Variants in SNTB1 observed in about 807,000 individuals in gnomAD.
The protein encoded by SNTB1 is beta-1-syntrophin.
SNTB1 carries 36 observed loss-of-function variants against 48.9 expected under a neutral mutation model. The ratio of observed to expected loss-of-function variants is 0.74; its 90% CI spans 0.56 to 0.97. The LOEUF (loss-of-function observed/expected upper bound fraction) is 0.97. SNTB1 is among the 50% of genes least tolerant of loss of function. SNTB1 has a pLI of 0.00. For synonymous variants in SNTB1, 299 were observed against 294.6 expected, an observed-to-expected ratio of 1.01 and a Z score of -0.15; for missense variants, 786 against 703.4, an observed-to-expected ratio of 1.12 and a Z score of -1.33.
intron 2 of SNTB1, among the ~76,000 whole-genome samples, chr8:120,682,079 T>A (rs11993445): frequency 1.3e-5 from 2 of 150,808 alleles, no homozygotes; most frequent in Admixed American, 1.3e-4. Flanking sequence ...AATATATTCA[T>A]GAGAAGGATT....
intron 3 of SNTB1, among the ~76,000 whole-genome samples, chr8:120,601,110 AG>A (rs1816414556): frequency 6.6e-6 from 1 of 152,146 alleles, no homozygotes; most frequent in Non-Finnish European, 1.5e-5. Flanking sequence ...GCTGTCTGCT[AG>A]CGCTGCTGGG....
intron 3 of SNTB1, among the ~76,000 whole-genome samples, chr8:120,590,921 G>A (rs1587012731): frequency 2.0e-5 from 3 of 151,930 alleles, no homozygotes; most frequent in Admixed American, 6.6e-5. Context: ...TCCTGACCTC[G>A]TGATCCGCCG....
intron 1 of SNTB1, among the ~76,000 whole-genome samples, chr8:120,751,131 G>T (rs912318597): frequency 6.6e-6 from 1 of 152,160 alleles, no homozygotes; most frequent in East Asian, 1.9e-4. Flanking sequence ...ATGGAGGAGA[G>T]ATGATGAAGT....
intron 1 of SNTB1, among the ~76,000 whole-genome samples, chr8:120,801,455 C>T (rs905650284): frequency 4.6e-5 from 7 of 151,858 alleles, no homozygotes; most frequent in African/African-American, 1.7e-4. Context: ...TAATTTATTA[C>T]TCTACACCTG....
Position 120,781,620 on chromosome 8 carries a change from A to G in SNTB1, c.571+29653T>C, listed in dbSNP as rs182624716. 1.2e-3 allele frequency among the ~76,000 whole-genome samples: 186 copies of G among 152,346 alleles called. 1 individual carries two copies. The highest frequency in any genetic ancestry group is 1.7e-3 in the Non-Finnish European group (118 of 68,032). Reference sequence around the variant, plus strand: ...GAGCATAGAGTCAAAGCAAGAGCCCAGCATTCCTACTAGGTCTGTGTATTA... The same window carrying G: ...GAGCATAGAGTCAAAGCAAGAGCCCGGCATTCCTACTAGGTCTGTGTATTA... On this transcript the variant is annotated intron_variant, in intron 1 of 6. Coordinates refer to ENST00000517992, the MANE Select transcript of SNTB1 (RefSeq NM_021021.4).
chr8:120,612,677 C>G (rs1025504407), intron 3 of SNTB1, among the ~76,000 whole-genome samples: 1 of 152,100 alleles, frequency 6.6e-6, no homozygotes, highest in Non-Finnish European at 1.5e-5. Context: ...CCTCAGCCTC[C>G]CTAGTAGCTG....
chr8:120,555,569 CT>C (rs1398405095), intron 4 of SNTB1, among the ~76,000 whole-genome samples: 2 of 152,190 alleles, frequency 1.3e-5, no homozygotes, highest in Non-Finnish European at 2.9e-5. Flanking sequence ...GCATTCACCC[CT>C]GAAAGCTCCC....
chr8:120,694,061 A>G (rs901308402), intron 1 of SNTB1, among the ~76,000 whole-genome samples, 153 bp from the exon 2 acceptor site: 1 of 140,760 alleles, frequency 7.1e-6, no homozygotes, highest in African/African-American at 2.8e-5. Flanking sequence ...GTTCCACTCA[A>G]GGTAATTATC....
At position 120,613,328 on chromosome 8, in the gene SNTB1, G is replaced by T. The variant is rs568503310; in HGVS notation, c.996+19116C>A. 1.4e-4 allele frequency among the ~76,000 whole-genome samples: 21 copies of T among 147,266 alleles called. No individual in the cohort carries two copies. In the South Asian group the frequency reaches 4.6e-3, roughly 32 times the overall value. ...ATTGTGCCACTGCACTTTAGCCTGGGCAACAAGAGTGCAGCTCCATCTCAA... is the reference window on the plus strand; with the variant it reads ...ATTGTGCCACTGCACTTTAGCCTGGTCAACAAGAGTGCAGCTCCATCTCAA... On this transcript the variant is annotated intron_variant, in intron 3 of 6. Transcript: ENST00000517992.
chr8:120,781,262 G>A (rs1389720761), intron 1 of SNTB1, among the ~76,000 whole-genome samples: 2 of 152,160 alleles, frequency 1.3e-5, no homozygotes, highest in Admixed American at 6.5e-5. Flanking sequence ...GCTAAATATG[G>A]AAACTGTTAA....
chr8:120,698,954 T>A (rs985258901), intron 1 of SNTB1, among the ~76,000 whole-genome samples: 2 of 152,234 alleles, frequency 1.3e-5, no homozygotes, highest in Non-Finnish European at 2.9e-5. Flanking sequence ...GATTTATCTA[T>A]AATAGGCAGC....
At chr8:120,553,878 G>A (rs1295200176) in intron 4 of SNTB1, among the ~76,000 whole-genome samples, 1 of 152,000 alleles carries the variant, frequency 6.6e-6, no homozygotes, top group African/African-American at 2.4e-5. Flanking sequence ...CGTGCCTGTA[G>A]TCCCAGCTAC....
At chr8:120,750,546 GC>G (rs1424624594) in intron 1 of SNTB1, among the ~76,000 whole-genome samples, 6 of 152,108 alleles carry the variant, frequency 3.9e-5, no homozygotes, top group Admixed American at 2.0e-4. Context: ...AGGTCACTGT[GC>G]TCTGACTTGT....
intron 3 of SNTB1, among the ~76,000 whole-genome samples, chr8:120,579,137 A>G (rs1587005231): frequency 6.6e-6 from 1 of 152,178 alleles, no homozygotes; most frequent in East Asian, 1.9e-4. Context: ...AGATCGCGCC[A>G]TTGCACTCCA....
chr8:120,550,104 T>A (rs959748260), intron 4 of SNTB1, among the ~76,000 whole-genome samples: 2 of 152,218 alleles, frequency 1.3e-5, no homozygotes, highest in Non-Finnish European at 2.9e-5. Context: ...TTATTACCTG[T>A]TGAATTTCTG....
chr8:120,710,820 CT>C (rs1343258969), intron 1 of SNTB1, among the ~76,000 whole-genome samples: 11 of 151,916 alleles, frequency 7.2e-5, no homozygotes, highest in African/African-American at 2.7e-4. Flanking sequence ...ATTTTTTTTT[CT>C]TTATAAATTA....
intron 1 of SNTB1, among the ~76,000 whole-genome samples, chr8:120,716,386 T>C (rs1818558927): frequency 6.6e-6 from 1 of 152,230 alleles, no homozygotes; most frequent in African/African-American, 2.4e-5. Context: ...TAAAATGTTA[T>C]TTTCTTCACA....
chr8:120,620,595 T>C (rs1275595148), intron 3 of SNTB1, among the ~76,000 whole-genome samples: 1 of 152,114 alleles, frequency 6.6e-6, no homozygotes, highest in East Asian at 1.9e-4. Context: ...AAATGGTTGA[T>C]GTTTGAATTC....
chr8:120,555,342 C>T (rs551177977), intron 4 of SNTB1, among the ~76,000 whole-genome samples: 4 of 152,214 alleles, frequency 2.6e-5, no homozygotes, highest in African/African-American at 4.8e-5. Context: ...TTTGAGAAGG[C>T]GGTGTCTGAT....
Sources: allele counts gnomAD v4.1 joint callset (sites outside exome capture counted in the v4.1 genomes callset), GRCh38; gene constraint gnomAD v4.1.1; transcripts MANE v1.5; gene names NCBI Gene and HGNC (gene_info 2026-07-23, HGNC 2026-07-21).